CNTNAP2: variants seen among roughly 807,000 people sequenced by gnomAD.
CNTNAP2 encodes contactin associated protein 2, also known as contactin-associated protein-like 2.
Under a neutral mutation model 155.2 loss-of-function variants are expected in CNTNAP2, and 98 were observed. The ratio of observed to expected loss-of-function variants is 0.63; its 90% CI spans 0.54 to 0.75. CNTNAP2 has a LOEUF of 0.75. Among genes scored for constraint, CNTNAP2 ranks in the 30% least tolerant of loss-of-function variants. The pLI is 0.00. For synonymous variants in CNTNAP2, 651 were observed against 631.2 expected, an observed-to-expected ratio of 1.03 and a Z score of -0.47; for missense variants, 1,727 against 1,688.1, an observed-to-expected ratio of 1.02 and a Z score of -0.40.
chr7:146,956,364 A>T (rs1404423952), intron 3 of CNTNAP2, among the ~76,000 whole-genome samples: 2 of 152,088 alleles, frequency 1.3e-5, no homozygotes, highest in Non-Finnish European at 2.9e-5. Flanking sequence ...AATTATTGCA[A>T]ATATCTTGTT....
chr7:146,352,750 G>GTTTTCTTTTTTTTTTTT (rs1794934626), intron 1 of CNTNAP2, among the ~76,000 whole-genome samples: 1 of 64,338 alleles, frequency 1.6e-5, no homozygotes, highest in Non-Finnish European at 2.9e-5. Flanking sequence ...GCATAATTCT[G>GTTTTCTTTTTTTTTTTT]TTTTTTTTTT....
intron 11 of CNTNAP2, among the ~76,000 whole-genome samples, chr7:147,494,803 A>G (rs528138838): frequency 6.6e-6 from 1 of 152,306 alleles, no homozygotes; most frequent in South Asian, 2.1e-4. Context: ...AGAAAACAGG[A>G]AAGAGAATTA....
intron 15 of CNTNAP2, among the ~76,000 whole-genome samples, chr7:148,018,902 C>T (rs1802228648): frequency 6.6e-6 from 1 of 152,172 alleles, no homozygotes; most frequent in African/African-American, 2.4e-5. Flanking sequence ...TATCCATTTC[C>T]CTCTAAATTG....
chr7:146,325,445 T>C (rs1801081581), intron 1 of CNTNAP2, among the ~76,000 whole-genome samples: 1 of 152,106 alleles, frequency 6.6e-6, no homozygotes, highest in Admixed American at 6.5e-5. Context: ...AATGAAAACC[T>C]ACAATATTCA....
intron 1 of CNTNAP2, among the ~76,000 whole-genome samples, chr7:146,719,886 A>T (rs1801255339): frequency 6.6e-6 from 1 of 152,208 alleles, no homozygotes; most frequent in South Asian, 2.1e-4. Flanking sequence ...CATGACATTC[A>T]GTAAATACCC....
chr7:147,486,105 G>A (rs1798506210), intron 11 of CNTNAP2, 64 bp downstream of exon 11: 7 of 1,398,934 alleles, frequency 5.0e-6, no homozygotes. Context: ...CTTGAGCTGT[G>A]CTTTGAAGCT....
At chr7:147,495,607 G>A (rs145558359) in intron 11 of CNTNAP2, among the ~76,000 whole-genome samples, 1 of 152,334 alleles carries the variant, frequency 6.6e-6, no homozygotes, top group African/African-American at 2.4e-5. Context: ...GGTTATAAAT[G>A]TAATACTGTG....
chr7:146,371,806 A>C (rs1205153011), intron 1 of CNTNAP2, among the ~76,000 whole-genome samples: 1 of 151,922 alleles, frequency 6.6e-6, no homozygotes, highest in African/African-American at 2.4e-5. Context: ...AAAAAATGCA[A>C]AAATTAGCTG....
intron 3 of CNTNAP2, among the ~76,000 whole-genome samples, chr7:146,888,895 G>A (rs4529377): frequency 0.7 from 107,081 of 151,936 alleles, 38,568 homozygotes; most frequent in East Asian, 0.98. Flanking sequence ...GTTATGCAAG[G>A]TAAATAAGTC....
intron 22 of CNTNAP2, among the ~76,000 whole-genome samples, chr7:148,401,253 G>A (rs1000763478): frequency 5.3e-5 from 8 of 152,078 alleles, no homozygotes. Context: ...GAAAGACCTC[G>A]TCCTCGTAGC....
At chr7:147,057,893 A>T (rs1258194616) in intron 4 of CNTNAP2, among the ~76,000 whole-genome samples, 1 of 152,168 alleles carries the variant, frequency 6.6e-6, no homozygotes, top group Non-Finnish European at 1.5e-5. Context: ...GACAATATTT[A>T]TGGTGTTAAA....
intron 13 of CNTNAP2, among the ~76,000 whole-genome samples, chr7:147,878,374 C>T (rs983310337): frequency 4.0e-5 from 6 of 151,880 alleles, no homozygotes; most frequent in Non-Finnish European, 8.8e-5. Context: ...TTTGACTCAG[C>T]CTCCCTACCA....
At chr7:146,816,537 A>T (rs186855789) in intron 2 of CNTNAP2, among the ~76,000 whole-genome samples, 1 of 152,298 alleles carries the variant, frequency 6.6e-6, no homozygotes, top group East Asian at 1.9e-4. Flanking sequence ...ATGTAATAGG[A>T]GTTTAATGTA....
intron 10 of CNTNAP2, among the ~76,000 whole-genome samples, chr7:147,401,059 C>T (rs1796904209): frequency 6.6e-6 from 1 of 152,034 alleles, no homozygotes; most frequent in African/African-American, 2.4e-5. Flanking sequence ...GTGATGTCCC[C>T]TAGAGGTTGA....
At chr7:146,455,170 T>G (rs1257715623) in intron 1 of CNTNAP2, among the ~76,000 whole-genome samples, 1 of 152,218 alleles carries the variant, frequency 6.6e-6, no homozygotes, top group Non-Finnish European at 1.5e-5. Context: ...ATTATAGGCA[T>G]GCAACATTGC....
chr7:147,535,382 ACT>A (rs777618418), intron 11 of CNTNAP2, among the ~76,000 whole-genome samples: 3 of 152,088 alleles, frequency 2.0e-5, no homozygotes, highest in Non-Finnish European at 4.4e-5. Context: ...AAAGAGTGAG[ACT>A]CTGTCTCAGA....
chr7:146,483,770 G>A (rs1419823263), intron 1 of CNTNAP2, among the ~76,000 whole-genome samples: 3 of 152,054 alleles, frequency 2.0e-5, no homozygotes, highest in Admixed American at 6.6e-5. Context: ...ACGTGTTTGT[G>A]TTTTGAGTTA....
At chr7:148,275,602 T>C (rs1796857255) in intron 21 of CNTNAP2, among the ~76,000 whole-genome samples, 1 of 152,210 alleles carries the variant, frequency 6.6e-6, no homozygotes, top group Admixed American at 6.5e-5. Context: ...TAGCCCGAAA[T>C]AGCCTCATTC....
At chr7:147,026,712 A>T (rs981311296) in intron 3 of CNTNAP2, among the ~76,000 whole-genome samples, 5 of 151,964 alleles carry the variant, frequency 3.3e-5, no homozygotes, top group African/African-American at 7.2e-5. Flanking sequence ...CTTGAATAAA[A>T]CAGACTTGAT....
Sources: gnomAD v4.1 joint callset for allele counts (sites outside exome capture counted in the v4.1 genomes callset) on GRCh38, gnomAD v4.1.1 for gene constraint, MANE v1.5 for transcripts, NCBI Gene and HGNC (gene_info 2026-07-23, HGNC 2026-07-21) for gene names.